Variants in RABGAP1L observed in about 807,000 individuals in gnomAD.
RABGAP1L encodes the protein rab GTPase-activating protein 1-like.
RABGAP1L carries 63 observed loss-of-function variants against 137.7 expected under a neutral mutation model. That is an observed-to-expected ratio of 0.46 (90% CI 0.37 to 0.56). The LOEUF is 0.56. Ranked by LOEUF, RABGAP1L falls within the 20% of genes least tolerant of loss-of-function variation. RABGAP1L has a pLI of 0.00. For synonymous variants in RABGAP1L, 431 were observed against 433.7 expected (o/e 0.99, Z 0.08); for missense variants, 1,095 against 1,244.0 (o/e 0.88, Z 1.80).
chr1:174,932,848 T>A (rs183583013), intron 19 of RABGAP1L, among the ~76,000 whole-genome samples: 1 of 152,316 alleles, frequency 6.6e-6, no homozygotes, highest in East Asian at 1.9e-4. Flanking sequence ...TTTCCATTAT[T>A]CTTCAAGCGT....
chr1:174,267,915 G>T lies in RABGAP1L; in HGVS notation c.987-4499G>T, dbSNP rs188679668. Among the ~76,000 whole-genome samples the T allele has an allele frequency of 1.2e-3, 178 of 152,166 alleles. 1 individual carries two copies. The highest frequency in any genetic ancestry group is 4.2e-3 in the African/African-American group (174 of 41,522). ...ATTTTATATGCAGTTTTGCTTATAT[G>T]GTTATTTTTGTGGTTCCACACCACT... On this transcript the variant is annotated intron_variant, in intron 7 of 25. Transcript: ENST00000681986.
At chr1:174,983,821 G>C (rs1055799290) in intron 24 of RABGAP1L, among the ~76,000 whole-genome samples, 1 of 152,098 alleles carries the variant, frequency 6.6e-6, no homozygotes. Flanking sequence ...TCTTACTCAT[G>C]TTACAAAATG....
chr1:174,690,430 A>T (rs1003317911), intron 15 of RABGAP1L, among the ~76,000 whole-genome samples: 2 of 152,228 alleles, frequency 1.3e-5, no homozygotes, highest in Non-Finnish European at 2.9e-5. Flanking sequence ...CTTCACTAGT[A>T]TTATATTTAT....
Position 174,525,014 on chromosome 1 carries a change from G to A in RABGAP1L, c.1711-112361G>A, listed in dbSNP as rs1394597773. On this transcript the variant is annotated intron_variant, in intron 13 of 25. Coordinates refer to ENST00000681986, the MANE Select transcript of RABGAP1L (RefSeq NM_001366446.1). The stretch of plus-strand genomic sequence containing the variant: ...TCCATTCGTCTTTTTGTCTGTTGTT[G>A]TGCTATTCCCATGCTGTTTTGGTTA... Among the ~76,000 whole-genome samples, 5 of 152,074 alleles carry A rather than the reference G, an allele frequency of 3.3e-5. No individual in the cohort carries two copies. In the East Asian group the frequency reaches 9.7e-4, roughly 29 times the overall value.
rs148512508 is a variant in RABGAP1L, at chr1:174,916,341, C to G, written c.2341-41116C>G. 7.8e-3 allele frequency among the ~76,000 whole-genome samples: 1,188 copies of G among 152,240 alleles called. 10 individuals are homozygous for G. The highest frequency in any genetic ancestry group is 0.013 in the Non-Finnish European group (878 of 68,000). On this transcript the variant is annotated intron_variant, in intron 19 of 25. Transcript: ENST00000681986. ...TAATGTTTCTGAATTCACCTTCTTGCTTTTACATGCAATCTTGTCAATGAT... is the reference window on the plus strand; with the variant it reads ...TAATGTTTCTGAATTCACCTTCTTGGTTTTACATGCAATCTTGTCAATGAT...
Position 174,840,815 on chromosome 1 carries a change from C to CAA in RABGAP1L, c.2340+28865_2340+28866dup, listed in dbSNP as rs5778817. On this transcript the variant is annotated intron_variant, in intron 19 of 25. Transcript: ENST00000681986. ...TGGGTGACAGAGTGAGAATCTGTCT[C>CAA]AAAAAAAAAAATAAAAAAAAAAAAA... is the stretch of plus-strand genomic sequence containing the variant. 3.3e-4 allele frequency among the ~76,000 whole-genome samples: 24 copies of CAA among 71,906 alleles called. 1 individual carries two copies. The highest frequency in any genetic ancestry group is 7.0e-4 in the East Asian group (1 of 1,424). The allele number at this position is 71,906 out of a possible 152,430, so 47.2% of individuals were successfully genotyped here.
intron 13 of RABGAP1L, among the ~76,000 whole-genome samples, chr1:174,538,064 G>A (rs1169192786): frequency 6.6e-6 from 1 of 152,100 alleles, no homozygotes; most frequent in East Asian, 1.9e-4. Flanking sequence ...TCTACAATCT[G>A]CCCTGAACCT....
At chr1:174,848,562 A>G (rs2148974229) in intron 19 of RABGAP1L, among the ~76,000 whole-genome samples, 1 of 148,554 alleles carries the variant, frequency 6.7e-6, no homozygotes, top group East Asian at 2.0e-4. Flanking sequence ...TCAGGGACCC[A>G]CTTGAGGAGG....
chr1:174,951,328 G>C (rs1036153912), intron 19 of RABGAP1L, among the ~76,000 whole-genome samples: 1 of 152,174 alleles, frequency 6.6e-6, no homozygotes, highest in African/African-American at 2.4e-5. Flanking sequence ...TTTCATTTCT[G>C]TATGATCTTG....
intron 1 of RABGAP1L, among the ~76,000 whole-genome samples, chr1:174,172,176 T>TTGTGTGTGTGTGTGTG (rs34345014): frequency 3.2e-5 from 4 of 123,582 alleles, no homozygotes; most frequent in African/African-American, 1.2e-4. Context: ...TAATATTCCC[T>TTGTGTGTGTGTGTGTG]TGTGTGTGTG....
intron 10 of RABGAP1L, among the ~76,000 whole-genome samples, chr1:174,281,657 T>C (rs975515733): frequency 2.0e-5 from 3 of 152,214 alleles, no homozygotes; most frequent in African/African-American, 7.2e-5. Flanking sequence ...TAGCTGATGA[T>C]GAAAGGCAAG....
At chr1:174,282,126 A>G (rs1037437277) in intron 10 of RABGAP1L, among the ~76,000 whole-genome samples, 1 of 152,210 alleles carries the variant, frequency 6.6e-6, no homozygotes, top group African/African-American at 2.4e-5. Context: ...AAGCTGCTGT[A>G]TCTTTCTGTG....
chr1:174,280,996 T>C (rs563813258), intron 10 of RABGAP1L, among the ~76,000 whole-genome samples: 2 of 152,088 alleles, frequency 1.3e-5, no homozygotes, highest in East Asian at 3.9e-4. Flanking sequence ...GTGTTACAGC[T>C]CTTAAAGGTG....
chr1:174,405,797 G>T (rs1054776888), intron 13 of RABGAP1L, among the ~76,000 whole-genome samples: 1 of 151,988 alleles, frequency 6.6e-6, no homozygotes, highest in Non-Finnish European at 1.5e-5. Flanking sequence ...GGGCCACATG[G>T]TGAAACCCTG....
intron 13 of RABGAP1L, among the ~76,000 whole-genome samples, chr1:174,585,847 C>T (rs1376918592): frequency 2.0e-5 from 3 of 152,088 alleles, no homozygotes; most frequent in African/African-American, 7.2e-5. Context: ...AAAATTGTTT[C>T]AAAGGAAGTA....
intron 19 of RABGAP1L, among the ~76,000 whole-genome samples, chr1:174,923,409 T>C (rs1401459732): frequency 6.6e-6 from 1 of 152,188 alleles, no homozygotes; most frequent in Non-Finnish European, 1.5e-5. Context: ...GGAGGCTTTA[T>C]TGAATAGATT....
chr1:174,176,741 A>AAAAAAAAAAAAAAAT (rs755688394), intron 1 of RABGAP1L, among the ~76,000 whole-genome samples: 3 of 111,776 alleles, frequency 2.7e-5, no homozygotes, highest in African/African-American at 1.1e-4. Flanking sequence ...AAAAAAAAAA[A>AAAAAAAAAAAAAAAT]AAAAAGGTCA....
At chr1:174,574,856 G>T (rs1668251113) in intron 13 of RABGAP1L, among the ~76,000 whole-genome samples, 1 of 152,150 alleles carries the variant, frequency 6.6e-6, no homozygotes, top group African/African-American at 2.4e-5. Flanking sequence ...AATCAGTGAA[G>T]CTTTTCATCA....
chr1:174,881,675 T>C (rs974338202), intron 19 of RABGAP1L, among the ~76,000 whole-genome samples: 2 of 151,714 alleles, frequency 1.3e-5, no homozygotes, highest in Admixed American at 6.6e-5. Flanking sequence ...AATTTTTGTA[T>C]TTTTAGTGGA....
Sources: allele counts gnomAD v4.1 joint callset (sites outside exome capture counted in the v4.1 genomes callset), GRCh38; gene constraint gnomAD v4.1.1; transcripts MANE v1.5; gene names NCBI Gene and HGNC (gene_info 2026-07-23, HGNC 2026-07-21).